The following FRMPD1 variants were observed in gnomAD, a reference collection of about 807,000 sequenced individuals.
FRMPD1 encodes the protein FERM and PDZ domain-containing protein 1.
FRMPD1 carries 76 observed loss-of-function variants against 117.8 expected under a neutral mutation model. That is an observed-to-expected ratio of 0.65 (90% CI 0.54 to 0.78). The LOEUF is 0.78. Among genes scored for constraint, FRMPD1 ranks in the 30% least tolerant of loss-of-function variants. The probability of loss-of-function intolerance (pLI) is 0.00; values close to 1 mark genes in which losing one functional copy is unlikely to be tolerated. For missense variants in FRMPD1, 1,786 were observed against 1,964.5 expected, an observed-to-expected ratio of 0.91 and a Z score of 1.72; for synonymous variants, 783 against 770.4, an observed-to-expected ratio of 1.02 and a Z score of -0.27.
chr9:37,725,765 T>G (rs1823592075), intron 7 of FRMPD1, among the ~76,000 whole-genome samples: 1 of 152,226 alleles, frequency 6.6e-6, no homozygotes, highest in Admixed American at 6.5e-5. Context: ...ATCCCCACTT[T>G]GCAGAAGAGA....
chr9:37,707,448 G>T lies in FRMPD1; in HGVS notation c.134G>T (p.Arg45Met). 6.2e-7 allele frequency: 1 copy of T among 1,613,886 alleles called. No individual in the cohort carries two copies. Among genetic ancestry groups the T allele is most frequent in the Non-Finnish European group, 8.5e-7 (1 of 1,179,912 alleles). ...GTTGCTGCAGCTGATGGGCCCGCCA[G>T]GAACCCAACTCAGACCCTCATCCCT... ...AKVAAADGPA[R>M]NPTQTLIPVR... The change falls in exon 3 of 16, where the codon AGG becomes ATG. Residue 45 changes from arginine to methionine, a missense_variant. Physicochemically the swap from Arg to Met is moderately conservative, Grantham distance 91 (BLOSUM62 -1). Coordinates refer to ENST00000377765, the MANE Select transcript of FRMPD1 (RefSeq NM_014907.3).
At position 37,666,292 on chromosome 9, in the gene FRMPD1, G is replaced by A. The variant is rs543813721; in HGVS notation, c.-5+15198G>A. Among the ~76,000 whole-genome samples, 3 of 152,152 alleles carry A rather than the reference G, an allele frequency of 2.0e-5. No homozygotes were observed. In the South Asian group the frequency reaches 6.2e-4, roughly 32 times the overall value. ...CACTAACACTTATTGAGTGTCTACT[G>A]TGAGCAAGGCACAATGCTGAGTACT... On this transcript the variant is annotated intron_variant, in intron 1 of 15. Coordinates refer to ENST00000377765, the MANE Select transcript of FRMPD1 (RefSeq NM_014907.3).
the FRMPD1 span, among the ~76,000 whole-genome samples, chr9:37,623,566 G>A: frequency 1.3e-5 from 2 of 152,050 alleles, no homozygotes; most frequent in African/African-American, 4.8e-5. Flanking sequence ...GGGGACTAGA[G>A]AGCACAGAAG....
rs751923195 is a variant in FRMPD1, at chr9:37,724,367, G to A, written c.612+47G>A. 16 of 1,026,842 alleles carry A rather than the reference G, an allele frequency of 1.6e-5. 1 individual carries two copies. Among genetic ancestry groups the A allele is most frequent in the Non-Finnish European group, 2.3e-5 (15 of 651,878 alleles). 63.6% of individuals were successfully genotyped at this position (1,026,842 alleles called of 1,614,324 possible). A position where few individuals can be genotyped will look rare whatever the true frequency, so the allele number is the denominator to read the frequency against. ...TTCTTTTCCCAAGAAGAATGTTCTG[G>A]CTGCTAGGACCCCCCAGGCATCTTG... On this transcript the variant is annotated intron_variant, in intron 7 of 15. Transcript: ENST00000377765.
intron 1 of FRMPD1, among the ~76,000 whole-genome samples, chr9:37,660,864 G>C (rs1485032375): frequency 6.6e-6 from 1 of 152,198 alleles, no homozygotes; most frequent in Non-Finnish European, 1.5e-5. Flanking sequence ...GGCCTGGGGG[G>C]TACAGTGTTG....
At chr9:37,734,541 C>T (rs187770449) in intron 12 of FRMPD1, among the ~76,000 whole-genome samples, 124 of 152,070 alleles carry the variant, frequency 8.2e-4, no homozygotes, top group Admixed American at 1.4e-3. Flanking sequence ...TTTCCTCCAG[C>T]ACTGTCAGCC....
chr9:37,733,842 T>C lies in FRMPD1; in HGVS notation c.1218+17T>C. The C allele has an allele frequency of 7.5e-7, 1 of 1,326,704 alleles. No individual in the cohort carries two copies. Among genetic ancestry groups the C allele is most frequent in the Non-Finnish European group, 1.1e-6 (1 of 918,182 alleles). 82.2% of individuals were successfully genotyped at this position (1,326,704 alleles called of 1,614,324 possible). A position where few individuals can be genotyped will look rare whatever the true frequency, so the allele number is the denominator to read the frequency against. The stretch of plus-strand genomic sequence containing the variant: ...ACTTTAATGGTATGTATTAGAGAAC[T>C]GTGAAATCCTACTCACGTAAGGGAC... On this transcript the variant is annotated intron_variant, in intron 12 of 15. Coordinates refer to ENST00000377765, the MANE Select transcript of FRMPD1 (RefSeq NM_014907.3).
At chr9:37,625,605 C>T in the FRMPD1 span, among the ~76,000 whole-genome samples, 2 of 152,180 alleles carry the variant, frequency 1.3e-5, no homozygotes, top group African/African-American at 4.8e-5. Flanking sequence ...TGGACCTGTC[C>T]CAGGGTCCTG....
At chr9:37,686,041 C>T (rs1370039716) in intron 1 of FRMPD1, among the ~76,000 whole-genome samples, 2 of 152,144 alleles carry the variant, frequency 1.3e-5, no homozygotes, top group African/African-American at 4.8e-5. Context: ...GAGAGTTTGC[C>T]TTTTTATATT....
the FRMPD1 span, among the ~76,000 whole-genome samples, chr9:37,607,830 A>T: frequency 6.6e-6 from 1 of 151,824 alleles, no homozygotes. Flanking sequence ...AGATCTAGAA[A>T]TGTGTAATAA....
chr9:37,740,916 G>T lies in FRMPD1; in HGVS notation c.2356+32G>T. On this transcript the variant is annotated intron_variant, in intron 15 of 15. Transcript: ENST00000377765. This position sits in a 1 kb window ranked among gnomAD's most constrained non-coding sequence, Gnocchi z 4.2. ...CGTCCCTTGCAGGTCTGCAGACACGGCAGGCAGCTCCTGAGTGCCTCCCGG... is the reference window on the plus strand; with the variant it reads ...CGTCCCTTGCAGGTCTGCAGACACGTCAGGCAGCTCCTGAGTGCCTCCCGG... 1.9e-6 allele frequency: 3 copies of T among 1,565,270 alleles called. No homozygotes were observed. The highest frequency in any genetic ancestry group is 2.6e-6 in the Non-Finnish European group (3 of 1,135,618).
At chr9:37,605,682 TTTTATTTA>T in the FRMPD1 span, among the ~76,000 whole-genome samples, 701 of 143,730 alleles carry the variant, frequency 4.9e-3, 6 homozygotes, top group East Asian at 0.031. Flanking sequence ...TCTGGTAGAA[TTTTATTTA>T]TTTATTTATT....
intron 1 of FRMPD1, among the ~76,000 whole-genome samples, chr9:37,651,420 T>A (rs1820672061): frequency 1.3e-5 from 2 of 152,232 alleles, no homozygotes; most frequent in South Asian, 4.1e-4. Context: ...GCGCCAACTT[T>A]CTGAGTGACC....
chr9:37,609,628 C>T, the FRMPD1 span, among the ~76,000 whole-genome samples: 1 of 152,164 alleles, frequency 6.6e-6, no homozygotes, highest in South Asian at 2.1e-4. Context: ...AGTAACCTTC[C>T]GCCCTCACCC....
At chr9:37,706,237 C>T (rs1208235438) in intron 2 of FRMPD1, among the ~76,000 whole-genome samples, 3 of 152,072 alleles carry the variant, frequency 2.0e-5, no homozygotes, top group African/African-American at 7.2e-5. Flanking sequence ...GGATAGTGTA[C>T]ACGAGACTTT....
Position 37,746,201 on chromosome 9 carries a change from C to T in FRMPD1, c.4169C>T (p.Thr1390Ile). Residue 1390 changes from threonine (T) to isoleucine (I), a missense_variant, in exon 16 of 16, where the codon ACC becomes ATC. Coordinates refer to ENST00000377765, the MANE Select transcript of FRMPD1 (RefSeq NM_014907.3). ...CCTGCCCGAGCCCACAGCTGCACCA[C>T]CGCACCCCTGTCGAGGAAAAGCCAC... The part of the protein sequence containing the change: ...WRPARAHSCT[T>I]APLSRKSHIW... 1 of 1,613,124 alleles carries T rather than the reference C, an allele frequency of 6.2e-7. No individual in the cohort carries two copies. The highest frequency in any genetic ancestry group is 8.5e-7 in the Non-Finnish European group (1 of 1,179,706).
the FRMPD1 span, among the ~76,000 whole-genome samples, chr9:37,644,709 C>T: frequency 6.6e-6 from 1 of 152,178 alleles, no homozygotes; most frequent in Non-Finnish European, 1.5e-5. Flanking sequence ...GCTCTGTGAC[C>T]TCATACCAGT....
At chr9:37,683,051 C>T (rs893416093) in intron 1 of FRMPD1, among the ~76,000 whole-genome samples, 2 of 152,186 alleles carry the variant, frequency 1.3e-5, no homozygotes, top group African/African-American at 4.8e-5. Flanking sequence ...TTCCCTCCCC[C>T]ACTGCCTTCG....
chr9:37,658,633 T>C (rs1391467232), intron 1 of FRMPD1, among the ~76,000 whole-genome samples: 1 of 152,150 alleles, frequency 6.6e-6, no homozygotes, highest in Non-Finnish European at 1.5e-5. Context: ...ATTTCTTGAC[T>C]TGTGGCTGCA....
Sources: gnomAD v4.1 joint callset for allele counts (sites outside exome capture counted in the v4.1 genomes callset) on GRCh38, gnomAD v4.1.1 for gene constraint, Gnocchi (gnomAD v3.1) non-coding constraint, MANE v1.5 for transcripts, NCBI Gene and HGNC (gene_info 2026-07-23, HGNC 2026-07-21) for gene names.